Variants in RHEX observed in about 807,000 individuals in gnomAD.
RHEX encodes regulator of hemoglobinization and erythroid cell expansion.
In RHEX, 18 loss-of-function variants were observed where a neutral mutation model predicts 20.1. That is an observed-to-expected ratio of 0.90 (90% CI 0.62 to 1.33). RHEX has a LOEUF of 1.33. RHEX is among the 40% of genes most tolerant of loss of function. RHEX has a pLI of 0.00. For missense variants in RHEX, 192 were observed against 214.3 expected, an observed-to-expected ratio of 0.90 and a Z score of 0.65; for synonymous variants, 87 against 77.1, an observed-to-expected ratio of 1.13 and a Z score of -0.67.
intron 1 of RHEX, among the ~76,000 whole-genome samples, chr1:206,053,983 G>A (rs1421897376): frequency 2.6e-5 from 4 of 152,116 alleles, no homozygotes; most frequent in Non-Finnish European, 5.9e-5. Flanking sequence ...AAACTTACAA[G>A]GTTTTCAACA....
At chr1:206,057,943 C>A (rs1407209694) in intron 1 of RHEX, among the ~76,000 whole-genome samples, 1 of 152,258 alleles carries the variant, frequency 6.6e-6, no homozygotes, top group Non-Finnish European at 1.5e-5. Context: ...TCTTGCCTGG[C>A]AAGAGACTAT....
At chr1:206,054,513 G>A (rs1168675327) in intron 1 of RHEX, among the ~76,000 whole-genome samples, 6 of 151,662 alleles carry the variant, frequency 4.0e-5, no homozygotes, top group Non-Finnish European at 7.3e-5. Context: ...GTTTTAAAAC[G>A]TTAATTATAA....
At chr1:206,072,699 C>T (rs1358107541) in intron 1 of RHEX, among the ~76,000 whole-genome samples, 1 of 152,092 alleles carries the variant, frequency 6.6e-6, no homozygotes, top group Admixed American at 6.6e-5. Flanking sequence ...CCAGCATGTC[C>T]CCTGAAACAC....
At chr1:206,063,472 G>A (rs1285568625) in intron 1 of RHEX, among the ~76,000 whole-genome samples, 3 of 152,116 alleles carry the variant, frequency 2.0e-5, no homozygotes, top group Non-Finnish European at 4.4e-5. Context: ...CTGCCATCTC[G>A]GCTCACTGCA....
At chr1:206,083,884 G>A (rs1397109211) in intron 1 of RHEX, among the ~76,000 whole-genome samples, 1 of 152,184 alleles carries the variant, frequency 6.6e-6, no homozygotes, top group Non-Finnish European at 1.5e-5. Context: ...AGCCATTGGG[G>A]CTTCGGCCAG....
intron 1 of RHEX, among the ~76,000 whole-genome samples, chr1:206,057,192 T>C (rs1662210522): frequency 6.6e-6 from 1 of 152,264 alleles, no homozygotes; most frequent in Admixed American, 6.5e-5. Flanking sequence ...GTTTTTGCAA[T>C]TAGCCAAACA....
intron 3 of RHEX, 158 bp downstream of exon 3, chr1:206,098,339 A>G (rs536363784): frequency 8.4e-5 from 51 of 607,352 alleles, no homozygotes; most frequent in South Asian, 3.2e-4. Flanking sequence ...CCTCCCCCCA[A>G]TAACTGTATC....
chr1:206,065,308 T>C (rs868941047), intron 1 of RHEX, among the ~76,000 whole-genome samples: 24 of 151,998 alleles, frequency 1.6e-4, no homozygotes, highest in African/African-American at 5.8e-4. Flanking sequence ...GGCTACTGTA[T>C]TGAGCCAGAC....
intron 1 of RHEX, among the ~76,000 whole-genome samples, chr1:206,086,829 C>A (rs901999213): frequency 6.6e-6 from 1 of 151,716 alleles, no homozygotes; most frequent in South Asian, 2.1e-4. Flanking sequence ...GGCAACATGG[C>A]AAGATCCTGT....
At chr1:206,064,030 G>A (rs1343446635) in intron 1 of RHEX, among the ~76,000 whole-genome samples, 6 of 147,590 alleles carry the variant, frequency 4.1e-5, no homozygotes, top group South Asian at 2.2e-4. Context: ...TGTGGGGAGC[G>A]CCTTTGCCCC....
chr1:206,057,484 A>G (rs1662215924), intron 1 of RHEX, among the ~76,000 whole-genome samples: 2 of 152,280 alleles, frequency 1.3e-5, no homozygotes, highest in Non-Finnish European at 1.5e-5. Flanking sequence ...TACATGGTGG[A>G]GTTCCAATTA....
intron 1 of RHEX, among the ~76,000 whole-genome samples, chr1:206,053,531 G>T (rs892057885): frequency 6.6e-6 from 1 of 152,126 alleles, no homozygotes; most frequent in Non-Finnish European, 1.5e-5. Context: ...GTGTGGGTGT[G>T]GTGTTTTGTC....
chr1:206,059,569 C>A (rs1553283076), intron 1 of RHEX, among the ~76,000 whole-genome samples: 1 of 152,122 alleles, frequency 6.6e-6, no homozygotes, highest in East Asian at 1.9e-4. Context: ...CTGAATCATG[C>A]AGCTTCACTT....
At chr1:206,099,879 C>T (rs1663154024) in intron 4 of RHEX, 81 bp downstream of exon 4, 10 of 1,339,640 alleles carry the variant, frequency 7.5e-6, no homozygotes, top group Non-Finnish European at 1.1e-5. Context: ...CTGCAGCAAC[C>T]CCATGGGCCC....
intron 1 of RHEX, among the ~76,000 whole-genome samples, chr1:206,074,925 A>T (rs782276494): frequency 1.4e-4 from 22 of 152,196 alleles, no homozygotes; most frequent in Non-Finnish European, 2.2e-4. Context: ...AGGCACACCC[A>T]CAAAGGGTAA....
In RHEX at chr1:206,086,585, TA is replaced by T. The variant is rs1662845161; in HGVS notation, c.-96-11147del. ...GGGGGATTACAACCTGGTTTTCTCA[TA>T]TGTAAAATTGGGAGAACAATAGTAT... On this transcript the variant is annotated intron_variant, in intron 1 of 5. Coordinates refer to ENST00000331555, the MANE Select transcript of RHEX (RefSeq NM_001007544.4). Among the ~76,000 whole-genome samples the T allele has an allele frequency of 3.9e-5, 6 of 152,354 alleles. No individual in the cohort carries two copies. In the South Asian group the frequency reaches 1.2e-3, roughly 32 times the overall value.
chr1:206,083,542 A>C, intron 1 of RHEX: 1 of 985,394 alleles, frequency 1.0e-6, no homozygotes, highest in Non-Finnish European at 1.2e-6. Context: ...ACTGACCTCC[A>C]GTGACACAGA....
In RHEX at chr1:206,090,223, T is replaced by C. The variant is rs534166571; in HGVS notation, c.-96-7510T>C. ...CTTTCTTTTTTTTTTTTTTTTTTTTTTGAGACAGAGTCTCACTCTATCCCC... is the reference window on the plus strand; with the variant it reads ...CTTTCTTTTTTTTTTTTTTTTTTTTCTGAGACAGAGTCTCACTCTATCCCC... On this transcript the variant is annotated intron_variant, in intron 1 of 5. Coordinates refer to ENST00000331555, the MANE Select transcript of RHEX (RefSeq NM_001007544.4). Among the ~76,000 whole-genome samples, 12 of 147,628 alleles carry C rather than the reference T, an allele frequency of 8.1e-5. No individual in the cohort carries two copies. In the South Asian group the frequency reaches 2.2e-3, roughly 26 times the overall value.
At chr1:206,069,115 A>C (rs1662483593) in intron 1 of RHEX, among the ~76,000 whole-genome samples, 1 of 152,228 alleles carries the variant, frequency 6.6e-6, no homozygotes, top group Non-Finnish European at 1.5e-5. Context: ...TCTCTTGGGC[A>C]GTACTTCCCA....
Sources: gnomAD v4.1 joint callset for allele counts (sites outside exome capture counted in the v4.1 genomes callset) on GRCh38, gnomAD v4.1.1 for gene constraint, MANE v1.5 for transcripts, NCBI Gene and HGNC (gene_info 2026-07-23, HGNC 2026-07-21) for gene names.